EXD1: variants seen among roughly 807,000 people sequenced by gnomAD.
EXD1 encodes the protein exonuclease 3'-5' domain containing 1.
Under a neutral mutation model 49.1 loss-of-function variants are expected in EXD1, and 63 were observed. The observed-to-expected ratio is 1.28, with a 90% CI of 1.05 to 1.58. The LOEUF (loss-of-function observed/expected upper bound fraction) is 1.58, where lower values mean the gene tolerates loss of function less well. Among genes scored for constraint, EXD1 ranks in the 40% most tolerant of loss-of-function variants. The probability of loss-of-function intolerance (pLI) is 0.00; values close to 1 mark genes in which losing one functional copy is unlikely to be tolerated. For missense variants in EXD1, 748 were observed against 666.0 expected, an observed-to-expected ratio of 1.12 and a Z score of -1.36; for synonymous variants, 234 against 239.2, an observed-to-expected ratio of 0.98 and a Z score of 0.20.
chr15:41,190,911 TTTATTTATTTA>T (rs1476908094), intron 10 of EXD1, among the ~76,000 whole-genome samples: 3 of 151,978 alleles, frequency 2.0e-5, no homozygotes, highest in Non-Finnish European at 2.9e-5. Context: ...TATTTATTTA[TTTATTTATTTA>T]TTATTTTTTG....
At chr15:41,214,478 A>AAGATCAC (rs1293837826) in intron 6 of EXD1, among the ~76,000 whole-genome samples, 5 of 149,842 alleles carry the variant, frequency 3.3e-5, no homozygotes, top group African/African-American at 1.2e-4. Context: ...ACCCCACCGA[A>AAGATCAC]CTCCAGCCTG....
At chr15:41,186,470 C>CAAAAAAAAAAAAAAAAAAA (rs58793050) in intron 11 of EXD1, among the ~76,000 whole-genome samples, 3 of 68,264 alleles carry the variant, frequency 4.4e-5, no homozygotes, top group Non-Finnish European at 5.5e-5. Flanking sequence ...GACTCTGTCT[C>CAAAAAAAAAAAAAAAAAAA]AAAAAAAAAA....
intron 7 of EXD1, among the ~76,000 whole-genome samples, chr15:41,197,597 A>G (rs576510674): frequency 1.2e-4 from 18 of 152,046 alleles, no homozygotes; most frequent in African/African-American, 4.3e-4. Flanking sequence ...GTAAGACACA[A>G]TCATTGTGAT....
chr15:41,197,245 T>G (rs1441931691), intron 7 of EXD1, among the ~76,000 whole-genome samples: 3 of 150,574 alleles, frequency 2.0e-5, no homozygotes, highest in Non-Finnish European at 4.4e-5. Context: ...TTTTTTTTTT[T>G]GAGACGGAGT....
At chr15:41,207,772 A>T (rs1411897667) in intron 7 of EXD1, among the ~76,000 whole-genome samples, 1 of 152,032 alleles carries the variant, frequency 6.6e-6, no homozygotes, top group East Asian at 1.9e-4. Flanking sequence ...GCACTTTGGG[A>T]GGTTGAGGTG....
chr15:41,225,501 C>A (rs759122370), intron 2 of EXD1, among the ~76,000 whole-genome samples: 1 of 151,040 alleles, frequency 6.6e-6, no homozygotes, highest in Non-Finnish European at 1.5e-5. Context: ...AGGAGACTTG[C>A]TTGAACCTGG....
At chr15:41,185,209 C>T (rs992253742) in intron 11 of EXD1, among the ~76,000 whole-genome samples, 2 of 152,098 alleles carry the variant, frequency 1.3e-5, no homozygotes, top group African/African-American at 4.8e-5. Flanking sequence ...CTTCTTAGAG[C>T]AGTTTCTTGT....
Position 41,227,975 on chromosome 15 carries a change from A to G in EXD1, c.-53-1347T>C, listed in dbSNP as rs565945936. On this transcript the variant is annotated intron_variant, in intron 1 of 11. Transcript: ENST00000458580. ...TGAGGCAGGAGAATCACTTGAACCC[A>G]GGAGGTGGAGGTTGCAGTGAGCCAA... 3.2e-3 allele frequency among the ~76,000 whole-genome samples: 485 copies of G among 151,678 alleles called. 2 individuals carry two copies. The highest frequency in any genetic ancestry group is 0.011 in the African/African-American group (460 of 41,342).
chr15:41,226,177 G>A lies in EXD1; in HGVS notation c.133+266C>T, dbSNP rs565840152. 1.5e-3 allele frequency among the ~76,000 whole-genome samples: 223 copies of A among 151,528 alleles called. 1 individual carries two copies. Among genetic ancestry groups the A allele is most frequent in the African/African-American group, 5.0e-3 (205 of 41,274 alleles). Reference sequence around the variant, plus strand: ...TGAGGCAGGAGAATGGTGTGAACCCGGGAGGCAGAGCTTGCAGTGAGCCAT... The same window carrying A: ...TGAGGCAGGAGAATGGTGTGAACCCAGGAGGCAGAGCTTGCAGTGAGCCAT... On this transcript the variant is annotated intron_variant, in intron 2 of 11. Transcript: ENST00000458580.
chr15:41,224,683 G>C (rs1253365980), intron 2 of EXD1, among the ~76,000 whole-genome samples: 1 of 152,176 alleles, frequency 6.6e-6, no homozygotes, highest in Non-Finnish European at 1.5e-5. Flanking sequence ...TCCTGGCTGG[G>C]CATGGTGGCT....
chr15:41,200,244 C>T (rs1338932474), intron 7 of EXD1, among the ~76,000 whole-genome samples: 3 of 151,976 alleles, frequency 2.0e-5, no homozygotes, highest in East Asian at 1.9e-4. Flanking sequence ...ATGAGTAGGC[C>T]GAGTGCAGTG....
intron 3 of EXD1, among the ~76,000 whole-genome samples, chr15:41,218,790 C>T (rs1456594406): frequency 6.6e-6 from 1 of 152,208 alleles, no homozygotes; most frequent in Non-Finnish European, 1.5e-5. Context: ...TGACAGCATA[C>T]TCAATGAGAA....
rs76059732 is a variant in EXD1, at chr15:41,197,837, G to A, written c.535-1800C>T. On this transcript the variant is annotated intron_variant, in intron 7 of 11. Transcript: ENST00000458580. ...GATGGGGTTTCACTATGTTGGCCAG[G>A]CTGGTCTCGAACTCCTGACCTCAGG... 2.0e-3 allele frequency among the ~76,000 whole-genome samples: 281 copies of A among 143,548 alleles called. 2 individuals are homozygous for A. The highest frequency in any genetic ancestry group is 6.4e-3 in the African/African-American group (260 of 40,870). 94.2% of individuals were successfully genotyped at this position (143,548 alleles called of 152,430 possible).
At chr15:41,191,694 C>CAATGGGT (rs2046521555) in intron 9 of EXD1, 109 bp from the exon 10 acceptor site, 1 of 1,031,582 alleles carries the variant, frequency 9.7e-7, no homozygotes, top group Admixed American at 2.5e-5. Context: ...CCCAAGGACC[C>CAATGGGT]ACACGATAGA....
intron 7 of EXD1, among the ~76,000 whole-genome samples, chr15:41,199,734 T>TATTATATA (rs1555414700): frequency 3.1e-5 from 2 of 65,238 alleles, no homozygotes; most frequent in African/African-American, 1.0e-4. Context: ...ATATATGATA[T>TATTATATA]ATATGTCATA....
At chr15:41,192,593 CATTTTTTTTTTTTTTTTTTTT>C (rs2046540577) in intron 9 of EXD1, among the ~76,000 whole-genome samples, 1 of 86,106 alleles carries the variant, frequency 1.2e-5, no homozygotes, top group South Asian at 3.5e-4. Flanking sequence ...CTGCGCCAGG[CATTTTTTTTTTTTTTTTTTTT>C]TTTTTTTTTT....
At chr15:41,214,383 C>T (rs1166885291) in intron 6 of EXD1, among the ~76,000 whole-genome samples, 1 of 150,840 alleles carries the variant, frequency 6.6e-6, no homozygotes, top group African/African-American at 2.4e-5. Context: ...CGTGGTGGTG[C>T]ATGCCTGTAA....
chr15:41,220,962 C>T (rs2047079623), intron 2 of EXD1, among the ~76,000 whole-genome samples: 2 of 152,166 alleles, frequency 1.3e-5, no homozygotes, highest in South Asian at 2.1e-4. Flanking sequence ...CCCACCTCAG[C>T]CTCCCAAAGT....
rs2046345120 is a variant in EXD1, at chr15:41,182,920, G to A, written c.*1011C>T. The A allele has an allele frequency of 6.6e-6, 1 of 152,078 alleles. No individual in the cohort carries two copies. Among genetic ancestry groups the A allele is most frequent in the South Asian group, 2.1e-4 (1 of 4,824 alleles). 9.4% of individuals were successfully genotyped at this position (152,078 alleles called of 1,614,324 possible). A position where few individuals can be genotyped will look rare whatever the true frequency, so the allele number is the denominator to read the frequency against. ...GTTTATATAACAGACAGACTAAAAA[G>A]AAACCCAGGGTCCCTGCTTTGTTAG... On this transcript the variant is annotated 3_prime_UTR_variant, in exon 12 of 12. Transcript: ENST00000458580.
Sources: gnomAD v4.1 joint callset for allele counts (sites outside exome capture counted in the v4.1 genomes callset) on GRCh38, gnomAD v4.1.1 for gene constraint, MANE v1.5 for transcripts, NCBI Gene and HGNC (gene_info 2026-07-23, HGNC 2026-07-21) for gene names.